The following KCNIP4 variants were observed in gnomAD, a reference collection of about 807,000 sequenced individuals.
The protein encoded by KCNIP4 is Kv channel-interacting protein 4.
KCNIP4 carries 12 observed loss-of-function variants against 34.0 expected under a neutral mutation model. The observed-to-expected ratio is 0.35, with a 90% confidence interval of 0.23 to 0.57. The LOEUF (loss-of-function observed/expected upper bound fraction) is 0.57. Ranked by LOEUF, KCNIP4 falls within the 20% of genes least tolerant of loss-of-function variation. The pLI, the probability that KCNIP4 is intolerant of heterozygous loss-of-function variation, is 0.83. For synonymous variants in KCNIP4, 124 were observed against 102.2 expected, an observed-to-expected ratio of 1.21 and a Z score of -1.29; for missense variants, 238 against 311.7, an observed-to-expected ratio of 0.76 and a Z score of 1.78.
At chr4:21,500,291 G>A (rs749025819) in intron 1 of KCNIP4, among the ~76,000 whole-genome samples, 14 of 152,142 alleles carry the variant, frequency 9.2e-5, no homozygotes, top group Middle Eastern at 3.4e-3. Flanking sequence ...AACTTTTAAC[G>A]TTTATCACCT....
At position 21,513,496 on chromosome 4, in the gene KCNIP4, T is replaced by C. The variant is rs141949548; in HGVS notation, c.61+435075A>G. On this transcript the variant is annotated intron_variant, in intron 1 of 8. Transcript: ENST00000382152. ...CACTATGCATCCTTTATCACTGGCA[T>C]GAAGAAATCAGAAAAACATGGGTTT... Among the ~76,000 whole-genome samples, 145 of 152,306 alleles carry C rather than the reference T, an allele frequency of 9.5e-4. 1 individual carries two copies. The highest frequency in any genetic ancestry group is 3.3e-3 in the African/African-American group (138 of 41,564).
chr4:20,804,693 G>C (rs1714838520), intron 3 of KCNIP4, among the ~76,000 whole-genome samples: 1 of 152,000 alleles, frequency 6.6e-6, no homozygotes, highest in South Asian at 2.1e-4. Context: ...GTACATACTA[G>C]GTTGCTAGTG....
At chr4:21,008,978 T>C (rs1404559807) in intron 1 of KCNIP4, among the ~76,000 whole-genome samples, 1 of 152,128 alleles carries the variant, frequency 6.6e-6, no homozygotes, top group East Asian at 1.9e-4. Context: ...TTCTTCTGTC[T>C]GCCTTATGTA....
chr4:21,097,073 C>T (rs1193134326), intron 1 of KCNIP4, among the ~76,000 whole-genome samples: 5 of 152,064 alleles, frequency 3.3e-5, no homozygotes, highest in Non-Finnish European at 1.5e-5. Context: ...GACTATACAA[C>T]CCACCAATTC....
intron 3 of KCNIP4, among the ~76,000 whole-genome samples, chr4:20,764,411 T>C (rs540873000): frequency 1.3e-5 from 2 of 152,090 alleles, no homozygotes; most frequent in Non-Finnish European, 2.9e-5. Flanking sequence ...CTGTTGCATA[T>C]TGAGGCGATT....
chr4:21,385,239 T>C (rs1237763837), intron 1 of KCNIP4, among the ~76,000 whole-genome samples: 5 of 152,146 alleles, frequency 3.3e-5, no homozygotes, highest in Admixed American at 2.0e-4. Flanking sequence ...AGGGTGTTCA[T>C]GGCCAAACTC....
At chr4:21,749,606 A>G (rs1029443862) in intron 1 of KCNIP4, among the ~76,000 whole-genome samples, 1 of 152,064 alleles carries the variant, frequency 6.6e-6, no homozygotes, top group Admixed American at 6.6e-5. Context: ...ATCCTGGATG[A>G]GTCATTGCAA....
At chr4:20,784,368 C>A (rs1711634119) in intron 3 of KCNIP4, among the ~76,000 whole-genome samples, 2 of 152,134 alleles carry the variant, frequency 1.3e-5, no homozygotes, top group Non-Finnish European at 2.9e-5. Flanking sequence ...CTAAACCACA[C>A]CGTGAAAGAT....
intron 1 of KCNIP4, among the ~76,000 whole-genome samples, chr4:20,951,073 A>T (rs79408798): frequency 1.3e-5 from 2 of 152,238 alleles, no homozygotes; most frequent in Non-Finnish European, 2.9e-5. Flanking sequence ...TAGGATTAGT[A>T]TCTTTATAAG....
rs75026436 is a variant in KCNIP4, at chr4:21,121,352, G to A, written c.62-238643C>T. Among the ~76,000 whole-genome samples the A allele has an allele frequency of 1.5e-3, 221 of 152,282 alleles. 4 individuals carry two copies. In the East Asian group the frequency reaches 0.03, roughly 20 times the overall value. On this transcript the variant is annotated intron_variant, in intron 1 of 8. Coordinates refer to ENST00000382152, the MANE Select transcript of KCNIP4 (RefSeq NM_025221.6). ...TATGTATTAAATCCTGGTTTTCTTG[G>A]TTGATGGGCCATTATGATTAGAAAT...
At chr4:20,733,743 C>T (rs922887190) in intron 6 of KCNIP4, among the ~76,000 whole-genome samples, 1 of 152,090 alleles carries the variant, frequency 6.6e-6, no homozygotes, top group Non-Finnish European at 1.5e-5. Context: ...GGATATGCTC[C>T]ATATACATGA....
chr4:21,556,577 C>G (rs1739026498), intron 1 of KCNIP4, among the ~76,000 whole-genome samples: 1 of 152,040 alleles, frequency 6.6e-6, no homozygotes, highest in African/African-American at 2.4e-5. Flanking sequence ...CTTGAAATAA[C>G]TCTATAGGAC....
chr4:21,234,120 T>C (rs1286210945), intron 1 of KCNIP4, among the ~76,000 whole-genome samples: 9 of 115,822 alleles, frequency 7.8e-5, no homozygotes, highest in Admixed American at 4.1e-4. Flanking sequence ...GTATATTATA[T>C]ATAACATATA....
At chr4:20,760,440 ACTTT>A (rs1171888029) in intron 3 of KCNIP4, among the ~76,000 whole-genome samples, 4 of 152,102 alleles carry the variant, frequency 2.6e-5, no homozygotes, top group Non-Finnish European at 4.4e-5. Flanking sequence ...TAATAAACTT[ACTTT>A]CTTTATTCCA....
intron 1 of KCNIP4, among the ~76,000 whole-genome samples, chr4:21,358,161 G>T (rs1300008387): frequency 6.6e-6 from 1 of 152,072 alleles, no homozygotes. Flanking sequence ...ACACAGCGGG[G>T]CCTGTCAGGT....
chr4:21,241,694 G>A (rs1759824095), intron 1 of KCNIP4, among the ~76,000 whole-genome samples: 1 of 152,148 alleles, frequency 6.6e-6, no homozygotes, highest in Non-Finnish European at 1.5e-5. Context: ...AAGATGAAAT[G>A]GGCATTATTT....
At chr4:21,066,678 C>T (rs1042160206) in intron 1 of KCNIP4, among the ~76,000 whole-genome samples, 1 of 152,164 alleles carries the variant, frequency 6.6e-6, no homozygotes, top group Non-Finnish European at 1.5e-5. Flanking sequence ...AGCCTTCATC[C>T]ACAGAGGGAG....
chr4:20,888,847 A>G (rs536229037), intron 1 of KCNIP4, among the ~76,000 whole-genome samples: 9 of 152,212 alleles, frequency 5.9e-5, no homozygotes, highest in African/African-American at 2.2e-4. Flanking sequence ...TAAAGGTTAC[A>G]TGTTCAAGAG....
intron 1 of KCNIP4, among the ~76,000 whole-genome samples, chr4:21,371,032 A>G (rs1484649706): frequency 1.4e-5 from 2 of 140,816 alleles, no homozygotes; most frequent in Non-Finnish European, 3.0e-5. Flanking sequence ...AAACTTGTGC[A>G]TGTCTGGTGG....
Sources: gnomAD v4.1 joint callset for allele counts (sites outside exome capture counted in the v4.1 genomes callset) on GRCh38, gnomAD v4.1.1 for gene constraint, MANE v1.5 for transcripts, NCBI Gene and HGNC (gene_info 2026-07-23, HGNC 2026-07-21) for gene names.